Variants in MZF1 observed in about 807,000 individuals in gnomAD.
MZF1 encodes myeloid zinc finger 1.
In MZF1, 24 loss-of-function variants were observed where a neutral mutation model predicts 28.6. The ratio of observed to expected loss-of-function variants is 0.84; its 90% confidence interval spans 0.61 to 1.18. The LOEUF is 1.18. MZF1 is among the 50% of genes most tolerant of loss of function. The pLI is 0.00. For missense variants in MZF1, 1,166 were observed against 1,026.4 expected (o/e 1.14, Z -1.86); for synonymous variants, 516 against 432.5 (o/e 1.19, Z -2.40).
At position 58,562,405 on chromosome 19, in the gene MZF1, G is replaced by A; in HGVS notation, c.1872C>T (p.Pro624=). Residue 624 remains proline, a synonymous_variant, in exon 6 of 6, where the codon CCC becomes CCT. Transcript: ENST00000215057. ...CCAGGCCGCACTCACCGCAGTGGTAGGGCTTTTCGCCGGTGTGTGTCCTCT... is the reference window on the plus strand; with the variant it reads ...CCAGGCCGCACTCACCGCAGTGGTAAGGCTTTTCGCCGGTGTGTGTCCTCT... ...RHQRTHTGEK[P]YHCGECGLGF... The A allele has an allele frequency of 6.2e-7, 1 of 1,609,870 alleles. No homozygotes were observed. The highest frequency in any genetic ancestry group is 8.5e-7 in the Non-Finnish European group (1 of 1,178,440).
At position 58,569,512 on chromosome 19, in the gene MZF1, T is replaced by C. The variant is rs751780860; in HGVS notation, c.651+4A>G. On this transcript the variant is annotated splice_donor_region_variant and intron_variant, in intron 4 of 5. Transcript: ENST00000215057. The stretch of plus-strand genomic sequence containing the variant: ...AGGAGAACATGGACCTGGGCAGGAC[T>C]TACCTGGGCCTCCTCAGGCAGGAGG... 7.4e-6 allele frequency: 12 copies of C among 1,612,084 alleles called. No homozygotes were observed. The highest frequency in any genetic ancestry group is 1.0e-5 in the Non-Finnish European group (12 of 1,178,798).
Position 58,569,500 on chromosome 19 carries a change from C to T in MZF1, c.651+16G>A, listed in dbSNP as rs1222310114. 2.5e-6 allele frequency: 4 copies of T among 1,612,530 alleles called. No homozygotes were observed. Among genetic ancestry groups the T allele is most frequent in the Non-Finnish European group, 3.4e-6 (4 of 1,179,190 alleles). On this transcript the variant is annotated intron_variant, in intron 4 of 5. Coordinates refer to ENST00000215057, the MANE Select transcript of MZF1 (RefSeq NM_198055.2). The stretch of plus-strand genomic sequence containing the variant: ...TCCAGGGAAAGGAGGAGAACATGGA[C>T]CTGGGCAGGACTTACCTGGGCCTCC...
intron 3 of MZF1, 171 bp downstream of exon 3, chr19:58,570,173 T>G: frequency 1.5e-6 from 1 of 652,866 alleles, no homozygotes; most frequent in Non-Finnish European, 2.5e-6. Flanking sequence ...GTGACAGCAC[T>G]GGCTGCGGTG....
Position 58,567,873 on chromosome 19 carries a change from T to C in MZF1, c.772+1404A>G, listed in dbSNP as rs180701810. 6.6e-4 allele frequency among the ~76,000 whole-genome samples: 100 copies of C among 151,956 alleles called. 1 individual carries two copies. In the East Asian group the frequency reaches 0.017, roughly 26 times the overall value. ...GAGAAATAAGGAAAGACATTGTAAA[T>C]GAAAGAACAACAGGAGACAGCTAAA... On this transcript the variant is annotated intron_variant, in intron 5 of 5. Transcript: ENST00000215057.
Position 58,563,202 on chromosome 19 carries a change from C to G in MZF1, c.1075G>C (p.Asp359His). 6.2e-7 allele frequency: 1 copy of G among 1,611,056 alleles called. No homozygotes were observed. Among genetic ancestry groups the G allele is most frequent in the Admixed American group, 1.7e-5 (1 of 59,870 alleles). ...TGGCTGAACACCTTGCCACATACAT[C>G]GCAACGGCCGCCCCTAACCACCCCG... Reference protein sequence around the residue: ...GGGVVRGGRCDVCGKVFSQRS... With the variant: ...GGGVVRGGRCHVCGKVFSQRS... The change falls in exon 6 of 6, where the codon GAT becomes CAT. Residue 359 changes from aspartate to histidine, a missense_variant. By Grantham distance (81) the Asp-to-His change is moderately conservative (BLOSUM62 -1). Transcript: ENST00000215057.
In MZF1 at chr19:58,571,373, A is replaced by T; in HGVS notation, c.17T>A (p.Leu6Gln). The T allele has an allele frequency of 6.2e-7, 1 of 1,614,154 alleles. No homozygotes were observed. The highest frequency in any genetic ancestry group is 8.5e-7 in the Non-Finnish European group (1 of 1,180,022). The change falls in exon 2 of 6, where the codon CTG (leucine) becomes CAG (glutamine). Residue 6 changes from leucine to glutamine, a missense_variant. Coordinates refer to ENST00000215057, the MANE Select transcript of MZF1 (RefSeq NM_198055.2). ...TGGGGGTGCTCGGTCTGGGGAGCCC[A>T]GCACCGCAGGCCTCATAGAGGGTAC... is the stretch of plus-strand genomic sequence containing the variant. MRPAV[L>Q]GSPDRAPPED... is the part of the protein sequence containing the mutation.
chr19:58,564,191 T>C (rs554436497), intron 5 of MZF1: 1 of 152,164 alleles, frequency 6.6e-6, no homozygotes, highest in East Asian at 1.9e-4. Context: ...GGAGGTTAAA[T>C]CAAGAAGACT....
intron 3 of MZF1, 165 bp downstream of exon 3, chr19:58,570,179 C>T (rs867563013): frequency 2.5e-5 from 17 of 676,856 alleles, no homozygotes; most frequent in East Asian, 2.9e-5. Flanking sequence ...GCACTGGCTG[C>T]GGTGGAGGGG....
At chr19:58,569,144 G>C (rs2054109804) in intron 5 of MZF1, 133 bp downstream of exon 5, 1 of 1,247,228 alleles carries the variant, frequency 8.0e-7, no homozygotes, top group Non-Finnish European at 1.1e-6. Context: ...CCTTATAGGG[G>C]ATGATCTAGG....
At chr19:58,572,758 C>G in intron 1 of MZF1, 1 of 543,024 alleles carries the variant, frequency 1.8e-6, no homozygotes, top group Admixed American at 3.0e-5. Flanking sequence ...TGGCAGGTAC[C>G]TACGGAGGGT....
Position 58,569,292 on chromosome 19 carries a change from C to A in MZF1, c.757G>T (p.Gly253Cys). Residue 253 changes from glycine (G) to cysteine (C), a missense_variant, in exon 5 of 6, where the codon GGC becomes TGC. Gly to Cys is a radical substitution (Grantham distance 159, BLOSUM62 -3). Transcript: ENST00000215057. ...PRALWHEEAGGIFSPGFALQL... is the reference protein window; with the variant it reads ...PRALWHEEAGCIFSPGFALQL... ...TCTCACTTACCTGGGGAGAAGATGC[C>A]CCCAGCTTCCTCATGCCACAGGGCC... 6.2e-7 allele frequency: 1 copy of A among 1,605,872 alleles called. No individual in the cohort carries two copies. The highest frequency in any genetic ancestry group is 8.5e-7 in the Non-Finnish European group (1 of 1,176,434).
upstream of MZF1, chr19:58,573,440 G>C (rs1203814128): frequency 2.6e-5 from 4 of 152,332 alleles, no homozygotes; most frequent in East Asian, 3.8e-4. Flanking sequence ...GAACTCCGTC[G>C]GTGCCCCACC....
chr19:58,570,771 C>T (rs2054145068), intron 2 of MZF1: 1 of 650,566 alleles, frequency 1.5e-6, no homozygotes, highest in South Asian at 2.0e-5. Context: ...CCCTAGCCTG[C>T]AGCTCCTATG....
intron 5 of MZF1, among the ~76,000 whole-genome samples, chr19:58,567,429 G>A (rs1271853774): frequency 6.6e-6 from 1 of 152,250 alleles, no homozygotes; most frequent in Non-Finnish European, 1.5e-5. Context: ...GCTATGTTAA[G>A]GGTGAGAAAC....
At position 58,564,898 on chromosome 19, in the gene MZF1, G is replaced by GTTTTTTTTTTTTTTTTTTTTT. The variant is rs1600099960; in HGVS notation, c.773-1395_773-1394insAAAAAAAAAAAAAAAAAAAAA. Among the ~76,000 whole-genome samples, 16 of 91,948 alleles carry GTTTTTTTTTTTTTTTTTTTTT rather than the reference G, an allele frequency of 1.7e-4. 2 individuals carry two copies. Among genetic ancestry groups the GTTTTTTTTTTTTTTTTTTTTT allele is most frequent in the African/African-American group, 7.4e-4 (14 of 18,948 alleles). 60.3% of individuals were successfully genotyped at this position (91,948 alleles called of 152,430 possible). ...CAGGGTGGAGAATAAGCATCCATGT[G>GTTTTTTTTTTTTTTTTTTTTT]TGTGTTTTTTTTTTTTTTTTTTTTT... is the stretch of plus-strand genomic sequence containing the variant. On this transcript the variant is annotated intron_variant, in intron 5 of 5. Coordinates refer to ENST00000215057, the MANE Select transcript of MZF1 (RefSeq NM_198055.2).
rs754001439 is a variant in MZF1, at chr19:58,562,170, G to T, written c.2107C>A (p.His703Asn). The part of the protein sequence containing the change: ...RPTLTQHLRT[H>N]RREKPFACQD... ...CAGGCGAAGGGCTTCTCTCGTCGGTGGGTGCGCAGATGCTGCGTGAGCGTG... is the reference window on the plus strand; with the variant it reads ...CAGGCGAAGGGCTTCTCTCGTCGGTTGGTGCGCAGATGCTGCGTGAGCGTG... Residue 703 changes from histidine (H) to asparagine (N), a missense_variant, in exon 6 of 6, where the codon CAC becomes AAC. Coordinates refer to ENST00000215057, the MANE Select transcript of MZF1 (RefSeq NM_198055.2). The T allele has an allele frequency of 6.2e-7, 1 of 1,600,608 alleles. No homozygotes were observed. The highest frequency in any genetic ancestry group is 2.3e-5 in the East Asian group (1 of 44,344).
chr19:58,569,448 G>C, intron 4 of MZF1, 51 bp from the exon 5 acceptor site: 1 of 1,613,860 alleles, frequency 6.2e-7, no homozygotes, highest in South Asian at 1.1e-5. Flanking sequence ...GCTCAGGGAG[G>C]GACCTACCTG....
Position 58,571,260 on chromosome 19 carries a change from G to C in MZF1, c.130C>G (p.Arg44Gly), listed in dbSNP as rs199500324. The C allele has an allele frequency of 8.1e-6, 13 of 1,613,210 alleles. No individual in the cohort carries two copies. The Admixed American group carries it at 1.5e-4, about 19-fold the overall frequency. ...ALWDPGPEAA[R>G]LRFRCFRYEE... is the part of the protein sequence containing the mutation. ...TAGCGGAAGCACCGGAAACGCAGGC[G>C]TGCAGCTTCAGGGCCTGGGTCCCAT... Residue 44 changes from arginine to glycine, a missense_variant, in exon 2 of 6, where the codon CGC becomes GGC. By Grantham distance (125) the Arg-to-Gly change is moderately radical (BLOSUM62 -2). Coordinates refer to ENST00000215057, the MANE Select transcript of MZF1 (RefSeq NM_198055.2).
chr19:58,562,048 G>A lies in MZF1; in HGVS notation c.*24C>T. On this transcript the variant is annotated 3_prime_UTR_variant, in exon 6 of 6. Coordinates refer to ENST00000215057, the MANE Select transcript of MZF1 (RefSeq NM_198055.2). Reference sequence around the variant, plus strand: ...GGGAGGTAGGTGTTCTGACCATGGCGGACACAGTGCGTCCCGGCTGGAGCT... The same window carrying A: ...GGGAGGTAGGTGTTCTGACCATGGCAGACACAGTGCGTCCCGGCTGGAGCT... The A allele has an allele frequency of 1.3e-6, 2 of 1,544,362 alleles. No individual in the cohort carries two copies. Among genetic ancestry groups the A allele is most frequent in the Non-Finnish European group, 8.7e-7 (1 of 1,145,838 alleles).
Sources: allele counts gnomAD v4.1 joint callset (sites outside exome capture counted in the v4.1 genomes callset), GRCh38; gene constraint gnomAD v4.1.1; transcripts MANE v1.5; gene names NCBI Gene and HGNC (gene_info 2026-07-23, HGNC 2026-07-21).